Variants in IGF2BP3 observed in about 807,000 individuals in gnomAD.
IGF2BP3 encodes the protein insulin like growth factor 2 mRNA binding protein 3.
A neutral mutation model predicts 73.8 loss-of-function variants in IGF2BP3; 9 were observed. That is an observed-to-expected ratio of 0.12 (90% confidence interval 0.07 to 0.21). The LOEUF is 0.21. IGF2BP3 is among the 10% of genes least tolerant of loss of function. The probability of loss-of-function intolerance (pLI) is 1.00; values close to 1 mark genes in which losing one functional copy is unlikely to be tolerated. For missense variants in IGF2BP3, 542 were observed against 714.0 expected (o/e 0.76, Z 2.75); for synonymous variants, 258 against 256.7 (o/e 1.01, Z -0.05).
chr7:23,365,099 G>A (rs987724641), intron 3 of IGF2BP3, among the ~76,000 whole-genome samples: 1 of 152,114 alleles, frequency 6.6e-6, no homozygotes, highest in African/African-American at 2.4e-5. Flanking sequence ...CTGGGAGGTG[G>A]AGGTGGCAGT....
At chr7:23,431,016 A>G (rs1431912657) in intron 2 of IGF2BP3, among the ~76,000 whole-genome samples, 2 of 152,242 alleles carry the variant, frequency 1.3e-5, no homozygotes, top group African/African-American at 4.8e-5. Flanking sequence ...GTGCATCACT[A>G]AAAGAGAACA....
At chr7:23,405,743 G>T (rs115790452) in intron 3 of IGF2BP3, among the ~76,000 whole-genome samples, 2,868 of 152,240 alleles carry the variant, frequency 0.019, 96 homozygotes, top group African/African-American at 0.065. Context: ...TTTCTATCCC[G>T]AAACCACTCC....
chr7:23,390,334 A>G (rs1401358998), intron 3 of IGF2BP3, among the ~76,000 whole-genome samples: 1 of 152,188 alleles, frequency 6.6e-6, no homozygotes, highest in Non-Finnish European at 1.5e-5. Flanking sequence ...ATAATGGGGA[A>G]GAAGTATATT....
intron 3 of IGF2BP3, among the ~76,000 whole-genome samples, chr7:23,403,972 A>AT (rs1786748501): frequency 6.6e-6 from 1 of 151,032 alleles, no homozygotes; most frequent in African/African-American, 2.5e-5. Context: ...CAAAAAAAAA[A>AT]ATTTTTTTTT....
At chr7:23,321,342 C>A (rs1046218703) in intron 10 of IGF2BP3, among the ~76,000 whole-genome samples, 1 of 152,210 alleles carries the variant, frequency 6.6e-6, no homozygotes, top group Non-Finnish European at 1.5e-5. Context: ...GTCACTCCCA[C>A]ATGAATACTG....
chr7:23,427,638 G>C lies in IGF2BP3; in HGVS notation c.237-8814C>G, dbSNP rs143326757. Among the ~76,000 whole-genome samples, 17 of 152,218 alleles carry C rather than the reference G, an allele frequency of 1.1e-4. No homozygotes were observed. In the East Asian group the frequency reaches 3.3e-3, roughly 29 times the overall value. ...TGTAATCCCAGCACTTTGGAAGGCG[G>C]AGGTGGGTGGATCACCTGAGGTCCA... On this transcript the variant is annotated intron_variant, in intron 2 of 14. Coordinates refer to ENST00000258729, the MANE Select transcript of IGF2BP3 (RefSeq NM_006547.3).
intron 2 of IGF2BP3, among the ~76,000 whole-genome samples, chr7:23,460,290 G>A: frequency 6.6e-6 from 1 of 151,828 alleles, no homozygotes; most frequent in Non-Finnish European, 1.5e-5. Flanking sequence ...CACTTTGGGA[G>A]GCTGAGGTGG....
intron 13 of IGF2BP3, 48 bp from the exon 14 acceptor site, chr7:23,312,896 T>TA: frequency 5.9e-6 from 7 of 1,181,270 alleles, no homozygotes; most frequent in Middle Eastern, 1.9e-4. Flanking sequence ...TTTAAAACCT[T>TA]ACTTCCTAAG....
intron 5 of IGF2BP3, 84 bp downstream of exon 5, chr7:23,361,450 C>T: frequency 9.5e-7 from 1 of 1,057,990 alleles, no homozygotes; most frequent in Non-Finnish European, 1.4e-6. Context: ...ACCTACCAGC[C>T]CTTCTCAGTT....
At chr7:23,318,088 T>C (rs913740786) in intron 11 of IGF2BP3, among the ~76,000 whole-genome samples, 2 of 152,166 alleles carry the variant, frequency 1.3e-5, no homozygotes, top group Non-Finnish European at 2.9e-5. Flanking sequence ...TCTGTCTCCA[T>C]TGCCTGTGTT....
At chr7:23,468,622 G>T in intron 1 of IGF2BP3, 80 bp from the exon 2 acceptor site, 1 of 1,447,754 alleles carries the variant, frequency 6.9e-7, no homozygotes, top group South Asian at 1.1e-5. Context: ...CCCAAGCGGC[G>T]ACACAAATGG....
intron 5 of IGF2BP3, among the ~76,000 whole-genome samples, chr7:23,353,211 T>C (rs979817245): frequency 6.6e-6 from 1 of 152,180 alleles, no homozygotes; most frequent in Admixed American, 6.5e-5. Flanking sequence ...TTCTAGTTGC[T>C]TGGTGTGGTC....
intron 12 of IGF2BP3, among the ~76,000 whole-genome samples, chr7:23,315,436 C>T (rs1365328972): frequency 1.3e-5 from 2 of 152,128 alleles, no homozygotes; most frequent in African/African-American, 4.8e-5. Flanking sequence ...AGAGTCAATA[C>T]ATCCTATCAC....
rs1296496109 is a variant in IGF2BP3, at chr7:23,310,664, A to G, written c.*1698T>C. The G allele has an allele frequency of 3.3e-5, 5 of 152,232 alleles. No homozygotes were observed. The highest frequency in any genetic ancestry group is 1.2e-4 in the African/African-American group (5 of 41,462). The allele number at this position is 152,232 out of a possible 1,614,324, so 9.4% of individuals were successfully genotyped here. On this transcript the variant is annotated 3_prime_UTR_variant, in exon 15 of 15. Coordinates refer to ENST00000258729, the MANE Select transcript of IGF2BP3 (RefSeq NM_006547.3). ...GGGCACTTTTTTGGTTAAAACTACA[A>G]AAGAAACTTGTTTTCAGAGAACATT...
At chr7:23,407,630 T>G (rs1027178048) in intron 3 of IGF2BP3, among the ~76,000 whole-genome samples, 8 of 147,772 alleles carry the variant, frequency 5.4e-5, no homozygotes, top group African/African-American at 9.9e-5. Context: ...AAAAAAAAAC[T>G]TCTGAGAGAA....
At chr7:23,442,258 T>C (rs13226524) in intron 2 of IGF2BP3, among the ~76,000 whole-genome samples, 57,555 of 152,078 alleles carry the variant, frequency 0.38, 11,618 homozygotes, top group African/African-American at 0.5. Context: ...GAAAATGAAA[T>C]TTCAAGTAAG....
chr7:23,354,165 TG>T, intron 5 of IGF2BP3, among the ~76,000 whole-genome samples: 1 of 152,306 alleles, frequency 6.6e-6, no homozygotes, highest in Admixed American at 6.5e-5. Flanking sequence ...AGCTAATTTT[TG>T]TATTTTTAGT....
chr7:23,384,530 G>C (rs1373637795), intron 3 of IGF2BP3, among the ~76,000 whole-genome samples: 2 of 152,082 alleles, frequency 1.3e-5, no homozygotes, highest in African/African-American at 4.8e-5. Context: ...CCCAACAAAA[G>C]ATATATTAGT....
At chr7:23,431,332 T>C (rs985625826) in intron 2 of IGF2BP3, 3 of 152,236 alleles carry the variant, frequency 2.0e-5, no homozygotes, top group Non-Finnish European at 4.4e-5. Flanking sequence ...TTCTAGATTC[T>C]AACAGTTCTA....
Sources: gnomAD v4.1 joint callset for allele counts (sites outside exome capture counted in the v4.1 genomes callset) on GRCh38, gnomAD v4.1.1 for gene constraint, MANE v1.5 for transcripts, NCBI Gene and HGNC (gene_info 2026-07-23, HGNC 2026-07-21) for gene names.